The following PEMT variants were observed in gnomAD, a reference collection of about 807,000 sequenced individuals.
The protein encoded by PEMT is phosphatidylethanolamine N-methyltransferase.
A neutral mutation model predicts 27.4 loss-of-function variants in PEMT; 23 were observed. The ratio of observed to expected loss-of-function variants is 0.84; its 90% CI spans 0.60 to 1.19. The LOEUF (loss-of-function observed/expected upper bound fraction) is 1.19. Among genes scored for constraint, PEMT ranks in the 50% most tolerant of loss-of-function variants. The pLI is 0.00. For synonymous variants in PEMT, 137 were observed against 139.1 expected (o/e 0.98, Z 0.11); for missense variants, 307 against 310.1 (o/e 0.99, Z 0.07).
chr17:17,564,963 T>C (rs964807754), intron 2 of PEMT, among the ~76,000 whole-genome samples: 10 of 152,022 alleles, frequency 6.6e-5, no homozygotes, highest in African/African-American at 2.2e-4. Flanking sequence ...AATGTCTTCC[T>C]AGGAGGGTGA....
chr17:17,591,389 C>T (rs1315255848), intron 1 of PEMT, 142 bp downstream of exon 1: 19 of 720,082 alleles, frequency 2.6e-5, no homozygotes, highest in Non-Finnish European at 4.3e-5. Flanking sequence ...ACGCGGCTCC[C>T]CCACCCCCGC....
intron 2 of PEMT, among the ~76,000 whole-genome samples, chr17:17,541,943 G>A (rs1908916337): frequency 6.6e-6 from 1 of 152,252 alleles, no homozygotes; most frequent in Non-Finnish European, 1.5e-5. Context: ...ATCAGTGCCT[G>A]AGCCAGAAGG....
intron 1 of PEMT, among the ~76,000 whole-genome samples, chr17:17,586,082 CAA>C (rs534827668): frequency 1.7e-4 from 6 of 36,024 alleles, no homozygotes; most frequent in Non-Finnish European, 2.2e-4. Context: ...GACTCCGTCT[CAA>C]AAAAAAAAAA....
At chr17:17,543,086 T>G (rs1909003208) in intron 2 of PEMT, among the ~76,000 whole-genome samples, 1 of 152,216 alleles carries the variant, frequency 6.6e-6, no homozygotes, top group Non-Finnish European at 1.5e-5. Flanking sequence ...CATGTCAGAA[T>G]GCAGACTCTC....
intron 5 of PEMT, among the ~76,000 whole-genome samples, chr17:17,509,106 C>T (rs1014658815): frequency 1.3e-5 from 2 of 152,268 alleles, no homozygotes; most frequent in African/African-American, 2.4e-5. Context: ...GCTGTGCTGG[C>T]GCCAAAGACG....
chr17:17,576,749 G>A (rs548942095), intron 2 of PEMT, among the ~76,000 whole-genome samples, 171 bp downstream of exon 2: 1 of 152,336 alleles, frequency 6.6e-6, no homozygotes, highest in African/African-American at 2.4e-5. Flanking sequence ...CCCAAGGCAA[G>A]ACGGCAGGAA....
Position 17,582,216 on chromosome 17 carries a change from CT to C in PEMT, c.97-5190del. On this transcript the variant is annotated intron_variant, in intron 1 of 6. Transcript: ENST00000255389. This position sits in a 1 kb window ranked among gnomAD's most constrained non-coding sequence, Gnocchi z 4.9. Reference sequence around the variant, plus strand: ...TTCTAATGGAACCCCCACTCCAAGGCTCCAGGTTGCAGAGGCCTCGGAATCT... The same window carrying C: ...TTCTAATGGAACCCCCACTCCAAGGCCCAGGTTGCAGAGGCCTCGGAATCT... 2.1e-6 allele frequency: 2 copies of C among 958,950 alleles called. No individual in the cohort carries two copies. The highest frequency in any genetic ancestry group is 1.8e-5 in the African/African-American group (1 of 56,842). 59.4% of individuals were successfully genotyped at this position (958,950 alleles called of 1,614,324 possible). A position where few individuals can be genotyped will look rare whatever the true frequency, so the allele number is the denominator to read the frequency against.
chr17:17,547,753 G>A (rs1016137486), intron 2 of PEMT, among the ~76,000 whole-genome samples: 1 of 152,016 alleles, frequency 6.6e-6, no homozygotes, highest in African/African-American at 2.4e-5. Flanking sequence ...CATGCTCAAG[G>A]ACAGAACTCC....
intron 2 of PEMT, among the ~76,000 whole-genome samples, chr17:17,562,955 A>T (rs972797186): frequency 2.6e-4 from 31 of 121,186 alleles, no homozygotes; most frequent in African/African-American, 1.4e-3. Context: ...ACCTGCATGC[A>T]GCCATCCTTT....
intron 2 of PEMT, among the ~76,000 whole-genome samples, chr17:17,572,189 T>A (rs1049219671): frequency 2.6e-5 from 4 of 152,162 alleles, no homozygotes; most frequent in Non-Finnish European, 5.9e-5. Context: ...TGCTCCCACC[T>A]CCGCCAGTCC....
At chr17:17,515,760 C>T (rs1423818036) in intron 3 of PEMT, among the ~76,000 whole-genome samples, 1 of 152,216 alleles carries the variant, frequency 6.6e-6, no homozygotes, top group African/African-American at 2.4e-5. Flanking sequence ...CACAAGCTCC[C>T]TAACAGAATG....
At chr17:17,527,283 C>T (rs562162222) in intron 2 of PEMT, among the ~76,000 whole-genome samples, 8 of 152,334 alleles carry the variant, frequency 5.3e-5, no homozygotes, top group Non-Finnish European at 1.0e-4. Context: ...GTGATCCGCC[C>T]GCCTCGGCCT....
chr17:17,562,461 T>C (rs1467332223), intron 2 of PEMT, among the ~76,000 whole-genome samples: 2 of 152,104 alleles, frequency 1.3e-5, no homozygotes, highest in Non-Finnish European at 2.9e-5. Flanking sequence ...TCAAGACAGC[T>C]GCACTCCCTT....
At chr17:17,574,319 T>C (rs1458406183) in intron 2 of PEMT, among the ~76,000 whole-genome samples, 1 of 147,096 alleles carries the variant, frequency 6.8e-6, no homozygotes, top group Non-Finnish European at 1.5e-5. Flanking sequence ...CTGCATCTTT[T>C]TTTTTTTTTT....
intron 3 of PEMT, chr17:17,518,170 C>T: frequency 2.0e-6 from 2 of 985,362 alleles, no homozygotes; most frequent in South Asian, 9.4e-5. Context: ...TGAACGACAC[C>T]AGGAGCTCGC....
At chr17:17,518,485 G>A (rs1027195933) in intron 3 of PEMT, among the ~76,000 whole-genome samples, 8 of 152,168 alleles carry the variant, frequency 5.3e-5, no homozygotes, top group African/African-American at 1.4e-4. Context: ...TGGCCCCTTC[G>A]GGACTGGATG....
chr17:17,524,589 C>A (rs1252952742), intron 2 of PEMT, among the ~76,000 whole-genome samples: 2 of 138,804 alleles, frequency 1.4e-5, no homozygotes, highest in Non-Finnish European at 3.1e-5. Flanking sequence ...CATAGTGAGA[C>A]CCTGTCTCTC....
chr17:17,521,442 C>A (rs907032719), intron 3 of PEMT, among the ~76,000 whole-genome samples: 2 of 152,156 alleles, frequency 1.3e-5, no homozygotes, highest in Non-Finnish European at 2.9e-5. Context: ...CAGAGAAATT[C>A]GCTCCCAAGT....
At position 17,577,042 on chromosome 17, in the gene PEMT, C is replaced by A; in HGVS notation, c.97-15G>T. ...CAGAAGTCTGCCTGCAGGGACAGAG[C>A]TAGCATCAGCACCACCCAGACACAG... On this transcript the variant is annotated splice_polypyrimidine_tract_variant and intron_variant, in intron 1 of 6. Coordinates refer to ENST00000255389, the MANE Select transcript of PEMT (RefSeq NM_148172.3). The A allele has an allele frequency of 6.3e-7, 1 of 1,594,126 alleles. No homozygotes were observed. The highest frequency in any genetic ancestry group is 1.3e-5 in the African/African-American group (1 of 74,658).
Sources: gnomAD v4.1 joint callset for allele counts (sites outside exome capture counted in the v4.1 genomes callset) on GRCh38, gnomAD v4.1.1 for gene constraint, Gnocchi (gnomAD v3.1) non-coding constraint, MANE v1.5 for transcripts, NCBI Gene and HGNC (gene_info 2026-07-23, HGNC 2026-07-21) for gene names.